Variants in NCOR1 observed in about 807,000 individuals in gnomAD.
NCOR1 encodes nuclear receptor corepressor 1.
A neutral mutation model predicts 288.1 loss-of-function variants in NCOR1; 63 were observed. The observed-to-expected ratio is 0.22, with a 90% CI of 0.18 to 0.27. NCOR1 has a LOEUF of 0.27. NCOR1 is among the 10% of genes least tolerant of loss of function. NCOR1 has a pLI of 1.00. For missense variants in NCOR1, 2,397 were observed against 3,019.2 expected (o/e 0.79, Z 4.83); for synonymous variants, 1,007 against 1,065.9 (o/e 0.94, Z 1.08).
At chr17:16,208,687 C>A (rs1462451453) in intron 1 of NCOR1, among the ~76,000 whole-genome samples, 1 of 151,578 alleles carries the variant, frequency 6.6e-6, no homozygotes, top group Non-Finnish European at 1.5e-5. Context: ...CCTGTTTCTA[C>A]AAAATAAAAA....
At chr17:16,058,108 C>T in intron 38 of NCOR1, 44 bp from the exon 39 acceptor site, 1 of 1,587,596 alleles carries the variant, frequency 6.3e-7, no homozygotes, top group Non-Finnish European at 8.6e-7. Flanking sequence ...AATGTCTGTG[C>T]TTTTCACTCA....
At position 16,138,216 on chromosome 17, in the gene NCOR1, A is replaced by G. The variant is rs2076692695; in HGVS notation, c.1353-4T>C. 1.2e-6 allele frequency: 2 copies of G among 1,608,770 alleles called. No individual in the cohort carries two copies. Among genetic ancestry groups the G allele is most frequent in the Non-Finnish European group, 1.7e-6 (2 of 1,177,138 alleles). On this transcript the variant is annotated splice_polypyrimidine_tract_variant and splice_region_variant and intron_variant, in intron 12 of 45. Coordinates refer to ENST00000268712, the MANE Select transcript of NCOR1 (RefSeq NM_006311.4). ...GTTTTTTGGATGCTGGATAAACCTGAGTGAAAACGAAAACAAAAACACACT... is the reference window on the plus strand; with the variant it reads ...GTTTTTTGGATGCTGGATAAACCTGGGTGAAAACGAAAACAAAAACACACT...
At chr17:16,091,602 AT>A in intron 22 of NCOR1, 1 of 1,308,644 alleles carries the variant, frequency 7.6e-7, no homozygotes, top group Non-Finnish European at 9.8e-7. Context: ...TTTATTTATA[AT>A]GTCTTCCAGC....
At chr17:16,145,470 C>T (rs1460312111) in intron 10 of NCOR1, among the ~76,000 whole-genome samples, 3 of 135,426 alleles carry the variant, frequency 2.2e-5, no homozygotes, top group Admixed American at 7.2e-5. Flanking sequence ...TCGGCCCCAC[C>T]GCCCCGTCTG....
intron 14 of NCOR1, among the ~76,000 whole-genome samples, chr17:16,127,367 A>ATATATGTATATG (rs1568198620): frequency 8.9e-6 from 1 of 111,786 alleles, no homozygotes; most frequent in African/African-American, 4.3e-5. Context: ...GTATATATAC[A>ATATATGTATATG]TGTATGTATA....
Position 16,035,300 on chromosome 17 carries a change from G to C in NCOR1, c.6956-356C>G, listed in dbSNP as rs543451316. Among the ~76,000 whole-genome samples, 73 of 152,246 alleles carry C rather than the reference G, an allele frequency of 4.8e-4. 1 individual carries two copies. Among genetic ancestry groups the C allele is most frequent in the African/African-American group, 1.7e-3 (69 of 41,538 alleles). On this transcript the variant is annotated intron_variant, in intron 44 of 45. Transcript: ENST00000268712. ...AGCCACAGTAGAACTTTCAAAATTG[G>C]AGTTGATCCCTCAAACCCTTCTTTA... is the stretch of plus-strand genomic sequence containing the variant.
chr17:16,107,908 A>T (rs1377196885), intron 19 of NCOR1, among the ~76,000 whole-genome samples: 2 of 152,130 alleles, frequency 1.3e-5, no homozygotes, highest in East Asian at 3.8e-4. Context: ...AGACAACAAG[A>T]ATAATCTATA....
At chr17:16,195,470 CAAAAA>C (rs753774141) in intron 1 of NCOR1, among the ~76,000 whole-genome samples, 1 of 115,168 alleles carries the variant, frequency 8.7e-6, no homozygotes, top group Non-Finnish European at 2.0e-5. Flanking sequence ...GACTCCGTCT[CAAAAA>C]AAAAAAGAAA....
chr17:16,208,035 C>CTTTTTTTTT (rs71150278), intron 1 of NCOR1, among the ~76,000 whole-genome samples: 19 of 72,554 alleles, frequency 2.6e-4, no homozygotes, highest in East Asian at 4.0e-4. Context: ...ATATTTCTTT[C>CTTTTTTTTT]TTTTTTTTTT....
At chr17:16,088,339 A>G (rs2064584142) in intron 22 of NCOR1, among the ~76,000 whole-genome samples, 1 of 152,090 alleles carries the variant, frequency 6.6e-6, no homozygotes, top group Non-Finnish European at 1.5e-5. Flanking sequence ...TTATTCCTAG[A>G]TATGTCATAT....
chr17:16,109,002 C>T (rs1235056389), intron 18 of NCOR1, 90 bp from the exon 19 acceptor site: 8 of 997,046 alleles, frequency 8.0e-6, no homozygotes, highest in Non-Finnish European at 1.1e-5. Flanking sequence ...GATAAGCACA[C>T]ACACACACCA....
chr17:16,143,687 C>A lies in NCOR1; in HGVS notation c.1092G>T (p.Gln364His), dbSNP rs752709448. Residue 364 changes from glutamine (Q) to histidine (H), a missense_variant, in exon 11 of 46, where the codon CAG becomes CAT. Around this residue, in one of 11 missense-constraint regions of NCOR1, gnomAD observed 51 missense variants for 127.6 expected, o/e 0.40. Transcript: ENST00000268712. ...TGGTGGCTGAAAGACCAGCTCCCCTCTGCCCAACTCTAAACATGAGGGAGA... is the reference window on the plus strand; with the variant it reads ...TGGTGGCTGAAAGACCAGCTCCCCTATGCCCAACTCTAAACATGAGGGAGA... ...EQQERFQRVG[Q>H]RGAGLSATIA... 3 of 1,612,816 alleles carry A rather than the reference C, an allele frequency of 1.9e-6. No individual in the cohort carries two copies. The South Asian group carries it at 3.3e-5, about 18-fold the overall frequency.
At chr17:16,075,825 A>G (rs1253729343) in intron 26 of NCOR1, 123 bp from the exon 27 acceptor site, 17 of 1,020,614 alleles carry the variant, frequency 1.7e-5, no homozygotes, top group Non-Finnish European at 2.4e-5. Flanking sequence ...AAGAAAGCAC[A>G]CATACATGAA....
At chr17:16,100,930 ACTG>A (rs2067507114) in intron 20 of NCOR1, among the ~76,000 whole-genome samples, 1 of 152,060 alleles carries the variant, frequency 6.6e-6, no homozygotes, top group African/African-American at 2.4e-5. Context: ...ACCACATCCC[ACTG>A]CTGCCCTCCT....
chr17:16,031,140 C>T lies in NCOR1; in HGVS notation c.*1156G>A, dbSNP rs1287268864. On this transcript the variant is annotated 3_prime_UTR_variant, in exon 46 of 46. Transcript: ENST00000268712. The stretch of plus-strand genomic sequence containing the variant: ...CTTTTAAATTATTTGCACCTTGAGA[C>T]TCTGTGAAATGAAAACATTTAACAG... The T allele has an allele frequency of 1.0e-5, 2 of 195,698 alleles. No homozygotes were observed. The highest frequency in any genetic ancestry group is 4.6e-5 in the African/African-American group (2 of 43,278). The allele number at this position is 195,698 out of a possible 1,614,324, so 12.1% of individuals were successfully genotyped here. A position where few individuals can be genotyped will look rare whatever the true frequency, so the allele number is the denominator to read the frequency against.
At chr17:16,123,315 C>G (rs1335637299) in intron 15 of NCOR1, among the ~76,000 whole-genome samples, 1 of 152,096 alleles carries the variant, frequency 6.6e-6, no homozygotes, top group East Asian at 1.9e-4. Context: ...TATTTCATCT[C>G]AGAAATGCCT....
Position 16,215,498 on chromosome 17 carries a change from G to A in NCOR1, c.-207C>T, listed in dbSNP as rs1226570730. 5.0e-6 allele frequency: 2 copies of A among 398,524 alleles called. No individual in the cohort carries two copies. The highest frequency in any genetic ancestry group is 2.1e-5 in the African/African-American group (1 of 48,598). 24.7% of individuals were successfully genotyped at this position (398,524 alleles called of 1,614,324 possible). On this transcript the variant is annotated 5_prime_UTR_variant, in exon 1 of 46. Coordinates refer to ENST00000268712, the MANE Select transcript of NCOR1 (RefSeq NM_006311.4). ...TCACTCCAGCCGCCGCCGCCGCCGC[G>A]GCTGCTGCTTCGCCACCTTGGCCGC...
intron 2 of NCOR1, among the ~76,000 whole-genome samples, chr17:16,187,385 T>A (rs1008233346): frequency 9.9e-5 from 15 of 151,988 alleles, no homozygotes; most frequent in African/African-American, 2.4e-4. Flanking sequence ...GGGTGCATTA[T>A]TCACAACAGC....
At chr17:16,144,446 TCTTTTAA>T (rs752316032) in intron 10 of NCOR1, among the ~76,000 whole-genome samples, 61 of 152,322 alleles carry the variant, frequency 4.0e-4, no homozygotes, top group Non-Finnish European at 7.3e-4. Context: ...ACATAAAAGT[TCTTTTAA>T]CTTTTAAGTT....
Sources: gnomAD v4.1 joint callset for allele counts (sites outside exome capture counted in the v4.1 genomes callset) on GRCh38, gnomAD v4.1.1 for gene constraint, gnomAD v4.1.1 regional missense constraint, MANE v1.5 for transcripts, NCBI Gene and HGNC (gene_info 2026-07-23, HGNC 2026-07-21) for gene names.